Variants in RORA observed in about 807,000 individuals in gnomAD.
RORA encodes nuclear receptor ROR-alpha.
RORA carries 7 observed loss-of-function variants against 69.5 expected under a neutral mutation model. That is an observed-to-expected ratio of 0.10 (90% CI 0.06 to 0.19). The LOEUF (loss-of-function observed/expected upper bound fraction) is 0.19. Ranked by LOEUF, RORA falls within the 10% of genes least tolerant of loss-of-function variation. RORA has a pLI of 1.00. For missense variants in RORA, 457 were observed against 663.0 expected (o/e 0.69, Z 3.41); for synonymous variants, 261 against 240.8 (o/e 1.08, Z -0.78).
At chr15:60,808,566 T>C (rs1000902406) in intron 1 of RORA, among the ~76,000 whole-genome samples, 1 of 151,976 alleles carries the variant, frequency 6.6e-6, no homozygotes, top group African/African-American at 2.4e-5. Context: ...ACTAGGTATC[T>C]ACGCAGAGGA....
Position 60,537,158 on chromosome 15 carries a change from C to T in RORA, c.197-5307G>A, listed in dbSNP as rs960660816. 2.0e-5 allele frequency among the ~76,000 whole-genome samples: 3 copies of T among 152,144 alleles called. No individual in the cohort carries two copies. Among genetic ancestry groups the T allele is most frequent in the South Asian group, 2.1e-4 (1 of 4,816 alleles). ...GCCTGGCTTGCGTGTCAAGGTTAGC[C>T]GGGGGAGAGCTGCAGAGTCTTCACC... On this transcript the variant is annotated intron_variant, in intron 2 of 10. Coordinates refer to ENST00000335670, the MANE Select transcript of RORA (RefSeq NM_134261.3). The surrounding 1 kb of genome is among the most constrained non-coding windows in gnomAD (Gnocchi z 4.9).
intron 1 of RORA, chr15:61,039,094 T>A (rs1308037662): frequency 6.6e-6 from 1 of 152,228 alleles, no homozygotes; most frequent in East Asian, 1.9e-4. Context: ...TGTTTGGGGT[T>A]AGCTCGTCCT....
chr15:61,020,656 G>C (rs1243140475), intron 1 of RORA, among the ~76,000 whole-genome samples: 1 of 152,124 alleles, frequency 6.6e-6, no homozygotes, highest in Admixed American at 6.5e-5. Flanking sequence ...TCTTTATTTT[G>C]AAAAGTATCC....
In RORA at chr15:60,745,927, G is replaced by A. The variant is rs529160871; in HGVS notation, c.167-67241C>T. Among the ~76,000 whole-genome samples, 80 of 152,178 alleles carry A rather than the reference G, an allele frequency of 5.3e-4. 1 individual carries two copies. The highest frequency in any genetic ancestry group is 2.5e-3 in the East Asian group (13 of 5,182). ...ATTTCCTGTGTATTTCCAGCACTCA[G>A]CCAAAAAGAATGTACACTATGAAAA... On this transcript the variant is annotated intron_variant, in intron 1 of 10. Coordinates refer to ENST00000335670, the MANE Select transcript of RORA (RefSeq NM_134261.3).
chr15:60,562,270 C>T (rs527719180), intron 2 of RORA, among the ~76,000 whole-genome samples: 2 of 151,926 alleles, frequency 1.3e-5, no homozygotes, highest in East Asian at 3.9e-4. Context: ...GAGTCTGACT[C>T]TGTCACCCAG....
Position 60,534,943 on chromosome 15 carries a change from C to T in RORA, c.197-3092G>A, listed in dbSNP as rs902373761. Among the ~76,000 whole-genome samples, 3 of 152,124 alleles carry T rather than the reference C, an allele frequency of 2.0e-5. No homozygotes were observed. Among genetic ancestry groups the T allele is most frequent in the African/African-American group, 7.2e-5 (3 of 41,420 alleles). ...AGAAAAAAATGCAGTCAATGCCTTGCAAATTTTTCAAAAGGAGGCAGTTTA... is the reference window on the plus strand; with the variant it reads ...AGAAAAAAATGCAGTCAATGCCTTGTAAATTTTTCAAAAGGAGGCAGTTTA... On this transcript the variant is annotated intron_variant, in intron 2 of 10. Transcript: ENST00000335670. The surrounding 1 kb of genome is among the most constrained non-coding windows in gnomAD (Gnocchi z 5.0).
chr15:60,991,892 C>T lies in RORA; in HGVS notation c.166+237161G>A, dbSNP rs1016143759. Reference sequence around the variant, plus strand: ...CTGTACTCCAGCCTGCGTGACAGAGCGAGACCGTGCCTCAAAAATAAAATA... The same window carrying T: ...CTGTACTCCAGCCTGCGTGACAGAGTGAGACCGTGCCTCAAAAATAAAATA... On this transcript the variant is annotated intron_variant, in intron 1 of 10. Coordinates refer to ENST00000335670, the MANE Select transcript of RORA (RefSeq NM_134261.3). 2.7e-5 allele frequency among the ~76,000 whole-genome samples: 4 copies of T among 148,540 alleles called. No individual in the cohort carries two copies. In the South Asian group the frequency reaches 6.3e-4, roughly 24 times the overall value.
At chr15:61,149,430 C>T (rs2079379011) in intron 1 of RORA, among the ~76,000 whole-genome samples, 1 of 152,034 alleles carries the variant, frequency 6.6e-6, no homozygotes, top group African/African-American at 2.4e-5. Flanking sequence ...AGAACCCCAC[C>T]ACCACTACTA....
Position 60,493,604 on chromosome 15 carries a change from CAGAT to C in RORA, c.*3847_*3850del, listed in dbSNP as rs745911264. 5.9e-5 allele frequency: 9 copies of C among 151,936 alleles called. No individual in the cohort carries two copies. The highest frequency in any genetic ancestry group is 4.1e-4 in the South Asian group (2 of 4,822). 9.4% of individuals were successfully genotyped at this position (151,936 alleles called of 1,614,324 possible). A position where few individuals can be genotyped will look rare whatever the true frequency, so the allele number is the denominator to read the frequency against. On this transcript the variant is annotated 3_prime_UTR_variant, in exon 11 of 11. Transcript: ENST00000335670. ...AATGAAATAAAAAGTTTTCCAAAGA[CAGAT>C]AGACAAATTCCATCAAGAAAATAAT...
chr15:60,985,582 C>T (rs866773189), intron 1 of RORA, among the ~76,000 whole-genome samples: 29 of 100,840 alleles, frequency 2.9e-4, no homozygotes, highest in African/African-American at 3.7e-4. Flanking sequence ...AACTCATCCT[C>T]TTTTTTTTTT....
In RORA at chr15:60,650,997, C is replaced by T. The variant is rs556100200; in HGVS notation, c.196+27660G>A. Among the ~76,000 whole-genome samples the T allele has an allele frequency of 3.2e-4, 49 of 152,162 alleles. 2 individuals carry two copies. In the South Asian group the frequency reaches 3.7e-3, roughly 12 times the overall value. ...CCCGGGTCCTTTTGCCTCTAATGTC[C>T]GAGTCCCTTCCAATACGCCACACAG... On this transcript the variant is annotated intron_variant, in intron 2 of 10. Transcript: ENST00000335670.
intron 2 of RORA, among the ~76,000 whole-genome samples, chr15:60,626,249 T>A (rs149035450): frequency 6.6e-6 from 1 of 152,172 alleles, no homozygotes; most frequent in South Asian, 2.1e-4. Context: ...TAGCTGAGCA[T>A]ACAGGGAATT....
At chr15:60,597,537 ACACACACACACAAC>A (rs2068696037) in intron 2 of RORA, among the ~76,000 whole-genome samples, 1 of 92,524 alleles carries the variant, frequency 1.1e-5, no homozygotes, top group Admixed American at 1.3e-4. Flanking sequence ...ACACACACAC[ACACACACACACAAC>A]ATATATATAT....
chr15:60,502,632 T>C, intron 8 of RORA, 128 bp downstream of exon 8: 1 of 689,660 alleles, frequency 1.4e-6, no homozygotes, highest in South Asian at 1.8e-5. Context: ...GAAAGTAAAA[T>C]AGGTATAAAA....
intron 2 of RORA, among the ~76,000 whole-genome samples, chr15:60,651,298 G>A (rs186617561): frequency 1.3e-5 from 2 of 152,070 alleles, no homozygotes; most frequent in African/African-American, 2.4e-5. Context: ...TGAAAAAGCC[G>A]CTGTTTCCAG....
At chr15:60,704,434 G>A (rs1403521248) in intron 1 of RORA, among the ~76,000 whole-genome samples, 1 of 151,760 alleles carries the variant, frequency 6.6e-6, no homozygotes, top group Non-Finnish European at 1.5e-5. Context: ...CCTAGAGGGT[G>A]GGGCCGAGGA....
chr15:60,878,437 G>A (rs1244068536), intron 1 of RORA, among the ~76,000 whole-genome samples: 1 of 151,860 alleles, frequency 6.6e-6, no homozygotes, highest in Non-Finnish European at 1.5e-5. Flanking sequence ...GGGACACAGA[G>A]AGAGCTACAA....
intron 2 of RORA, among the ~76,000 whole-genome samples, chr15:60,610,178 A>G (rs1381346338): frequency 6.8e-6 from 1 of 146,010 alleles, no homozygotes; most frequent in Non-Finnish European, 1.5e-5. Context: ...CATCTCAATC[A>G]TTCTAAAGTG....
At chr15:60,786,916 C>T (rs1323919527) in intron 1 of RORA, among the ~76,000 whole-genome samples, 2 of 152,188 alleles carry the variant, frequency 1.3e-5, no homozygotes, top group East Asian at 1.9e-4. Context: ...GTGGAGCAGA[C>T]GAATGATCAC....
Sources: gnomAD v4.1 joint callset for allele counts (sites outside exome capture counted in the v4.1 genomes callset) on GRCh38, gnomAD v4.1.1 for gene constraint, Gnocchi (gnomAD v3.1) non-coding constraint, MANE v1.5 for transcripts, NCBI Gene and HGNC (gene_info 2026-07-23, HGNC 2026-07-21) for gene names.